TBC1D25: variants seen among roughly 807,000 people sequenced by gnomAD.
TBC1D25 encodes the protein 5SN3 snoRNA.
A neutral mutation model predicts 38.8 loss-of-function variants in TBC1D25; 13 were observed. That is an observed-to-expected ratio of 0.34 (90% CI 0.22 to 0.53). The LOEUF is 0.53. TBC1D25 is among the 20% of genes least tolerant of loss of function. The pLI, the probability that TBC1D25 is intolerant of heterozygous loss-of-function variation, is 0.94. For synonymous variants in TBC1D25, 225 were observed against 255.6 expected, an observed-to-expected ratio of 0.88 and a Z score of 1.14; for missense variants, 372 against 600.0, an observed-to-expected ratio of 0.62 and a Z score of 3.97.
intron 3 of TBC1D25, among the ~76,000 whole-genome samples, chrX:48,551,330 T>C: frequency 1.3e-5 from 1 of 76,518 alleles, no homozygotes; most frequent in Non-Finnish European, 2.2e-5. Flanking sequence ...GCCTGTTTTT[T>C]GTTTGTTTGT....
Position 48,560,091 on chromosome X carries a change from C to T in TBC1D25, c.1183C>T (p.Leu395=). ...RHADPDFYQY[L]QEAGADDLFF... is the part of the protein sequence containing the mutation. ...CGCTGACCCTGACTTTTATCAATACCTGCAAGAGGCAGGCGCTGATGACCT... is the reference window on the plus strand; with the variant it reads ...CGCTGACCCTGACTTTTATCAATACTTGCAAGAGGCAGGCGCTGATGACCT... Residue 395 remains leucine, a synonymous_variant, in exon 6 of 6, where the codon CTG becomes TTG. Coordinates refer to ENST00000376771, the MANE Select transcript of TBC1D25 (RefSeq NM_002536.4). 1 of 1,209,514 alleles carries T rather than the reference C, an allele frequency of 8.3e-7. No individual in the cohort carries two copies. Among genetic ancestry groups the T allele is most frequent in the South Asian group, 1.8e-5 (1 of 56,477 alleles).
chrX:48,560,386 A>G lies in TBC1D25; in HGVS notation c.1478A>G (p.Gln493Arg), dbSNP rs1556985859. The G allele has an allele frequency of 8.3e-7, 1 of 1,211,526 alleles. No homozygotes were observed. ...GTTGACCACCTGGCCACAGCCAGTC[A>G]GGGGCCTGGTGGTGGGGGGCGTCTC... Reference protein sequence around the residue: ...DAVDHLATASQGPGGGGRLLR... With the variant: ...DAVDHLATASRGPGGGGRLLR... Residue 493 changes from glutamine (Q) to arginine (R), a missense_variant, in exon 6 of 6, where the codon CAG becomes CGG. Physicochemically the swap from Gln to Arg is conservative, Grantham distance 43 (BLOSUM62 1). Coordinates refer to ENST00000376771, the MANE Select transcript of TBC1D25 (RefSeq NM_002536.4).
chrX:48,541,448 TG>T lies in TBC1D25; in HGVS notation c.233+9del, dbSNP rs1370550161. On this transcript the variant is annotated splice_region_variant and intron_variant, in intron 2 of 5. Transcript: ENST00000376771. The stretch of plus-strand genomic sequence containing the variant: ...CGAGCCTTTGATTTGAGTGGGTGAG[TG>T]GGAAGATGCTGGGGACTGGCCAGTG... 1.7e-6 allele frequency: 2 copies of T among 1,206,082 alleles called. No homozygotes were observed. Among genetic ancestry groups the T allele is most frequent in the Non-Finnish European group, 2.2e-6 (2 of 892,156 alleles).
intron 1 of TBC1D25, 109 bp from the exon 2 acceptor site, chrX:48,541,224 T>G: frequency 3.0e-6 from 2 of 656,345 alleles, no homozygotes; most frequent in South Asian, 2.2e-5. Flanking sequence ...ACACCTGCCT[T>G]GATCTGGCCC....
intron 3 of TBC1D25, among the ~76,000 whole-genome samples, chrX:48,547,158 G>T (rs949713698): frequency 8.9e-6 from 1 of 112,140 alleles, no homozygotes; most frequent in African/African-American, 3.2e-5. Flanking sequence ...GCTCAGAGAG[G>T]TGACAGGACT....
At position 48,560,862 on chromosome X, in the gene TBC1D25, C is replaced by T. The variant is rs2062019792; in HGVS notation, c.1954C>T (p.Arg652Ter). ...GGCCATGCACTTTGACCGCCTTGTG[C>T]GAAAACACCACCTGGGGCGCGTCCT... is the stretch of plus-strand genomic sequence containing the variant. ...ELAMHFDRLVRKHHLGRVLRR... is the reference protein window; with the variant it reads ...ELAMHFDRLV Residue 652 changes from arginine to a stop codon, truncating the protein, a stop_gained, in exon 6 of 6, where the codon CGA becomes TGA. Transcript: ENST00000376771. LOFTEE classifies it high-confidence loss of function. 1 of 1,212,423 alleles carries T rather than the reference C, an allele frequency of 8.2e-7. No individual in the cohort carries two copies.
rs782514374 is a variant in TBC1D25, at chrX:48,558,111, CA to C, written c.389-768del. 2.8e-3 allele frequency among the ~76,000 whole-genome samples: 139 copies of C among 49,503 alleles called. 1 individual carries two copies. Among genetic ancestry groups the C allele is most frequent in the South Asian group, 9.4e-3 (9 of 954 alleles). The allele number at this position is 49,503 out of a possible 115,157, so 43.0% of individuals were successfully genotyped here. On this transcript the variant is annotated intron_variant, in intron 3 of 5. Transcript: ENST00000376771. ...CGGTTACAGAGTGAGACTCCGTCTC[CA>C]AAAAAAAAAAAAAAAAAGCATATAC...
intron 3 of TBC1D25, among the ~76,000 whole-genome samples, 169 bp downstream of exon 3, chrX:48,545,192 T>C (rs1164540257): frequency 8.9e-6 from 1 of 112,074 alleles, no homozygotes; most frequent in South Asian, 3.7e-4. Context: ...AAAGAGATAA[T>C]TGTATCTTAG....
At chrX:48,543,064 TG>T (rs2061853325) in intron 2 of TBC1D25, among the ~76,000 whole-genome samples, 1 of 110,782 alleles carries the variant, frequency 9.0e-6, no homozygotes, top group Non-Finnish European at 1.9e-5. Flanking sequence ...TGTATGTATA[TG>T]AAAAAAAACA....
In TBC1D25 at chrX:48,561,227, TTG is replaced by T. The variant is rs1475154021; in HGVS notation, c.*258_*259del. 1.5e-5 allele frequency: 5 copies of T among 328,761 alleles called. No homozygotes were observed. The Admixed American group carries it at 2.9e-4, about 19-fold the overall frequency. 27.1% of individuals were successfully genotyped at this position (328,761 alleles called of 1,213,427 possible). ...TTGCACACATGAAGGTCACTGTGGTTTGTGTGTTTCTCTGCCTCCTCCCTGGG... is the reference window on the plus strand; with the variant it reads ...TTGCACACATGAAGGTCACTGTGGTTTGTGTTTCTCTGCCTCCTCCCTGGG... On this transcript the variant is annotated 3_prime_UTR_variant, in exon 6 of 6. Coordinates refer to ENST00000376771, the MANE Select transcript of TBC1D25 (RefSeq NM_002536.4).
rs60207287 is a variant in TBC1D25 at position 48,554,559 on chromosome X, C to CA, written c.389-4319dup. 6.0e-3 allele frequency among the ~76,000 whole-genome samples: 311 copies of CA among 51,771 alleles called. 2 individuals are homozygous for CA. The highest frequency in any genetic ancestry group is 0.018 in the African/African-American group (228 of 12,427). 45.0% of individuals were successfully genotyped at this position (51,771 alleles called of 115,157 possible). ...TGGGTGACAGAGCAAGACTCCATCT[C>CA]AAAAAAAAAAAAAAAAAAAGGATAG... On this transcript the variant is annotated intron_variant, in intron 3 of 5. Coordinates refer to ENST00000376771, the MANE Select transcript of TBC1D25 (RefSeq NM_002536.4).
chrX:48,551,209 G>A (rs2061929185), intron 3 of TBC1D25, among the ~76,000 whole-genome samples: 2 of 112,082 alleles, frequency 1.8e-5, no homozygotes, highest in Non-Finnish European at 1.9e-5. Flanking sequence ...TTTCTTCAGG[G>A]AAATGTGTGC....
rs782068269 is a variant in TBC1D25 at position 48,559,686 on chromosome X, C to T, written c.778C>T (p.Arg260Cys). The T allele has an allele frequency of 3.3e-5, 40 of 1,210,176 alleles. No homozygotes were observed. In the Admixed American group the frequency reaches 4.4e-4, roughly 13 times the overall value. ...CCGAGAGCGGATGGACTACATGAAA[C>T]GCAAGAGCCGCGAGTATGAGCAGCT... ...TGRERMDYMKRKSREYEQLKS... is the reference protein window; with the variant it reads ...TGRERMDYMKCKSREYEQLKS... The change falls in exon 6 of 6, where the codon CGC becomes TGC. Residue 260 changes from arginine to cysteine, a missense_variant. By Grantham distance (180) the Arg-to-Cys change is radical (BLOSUM62 -3). Transcript: ENST00000376771.
Position 48,560,666 on chromosome X carries a change from G to A in TBC1D25, c.1758G>A (p.Glu586=). The change falls in exon 6 of 6, where the codon GAG becomes GAA. Residue 586 remains glutamate (E), a synonymous_variant. Transcript: ENST00000376771. ...CTGTAGGATCCCCCTTGATGCAAGA[G>A]GTAGGCTCCCCGAAAGACCCTGGAA... ...DMAVGSPLMQ[E]VGSPKDPGKS... is the part of the protein sequence containing the mutation. 5.0e-6 allele frequency: 6 copies of A among 1,211,716 alleles called. No homozygotes were observed. In the South Asian group the frequency reaches 8.8e-5, roughly 18 times the overall value.
intron 3 of TBC1D25, among the ~76,000 whole-genome samples, chrX:48,556,609 T>TGGTGGCAGGCA (rs781788015): frequency 2.7e-3 from 299 of 109,744 alleles, no homozygotes; most frequent in Non-Finnish European, 4.8e-3. Context: ...TAGCCAGGCG[T>TGGTGGCAGGCA]GGTGGCAGGC....
chrX:48,552,212 A>T (rs1057138533), intron 3 of TBC1D25, among the ~76,000 whole-genome samples: 23 of 110,892 alleles, frequency 2.1e-4, no homozygotes, highest in African/African-American at 7.6e-4. Context: ...TTTGACACGT[A>T]GTCTCGCTCT....
chrX:48,559,308 C>T lies in TBC1D25; in HGVS notation c.667C>T (p.Arg223Trp), dbSNP rs1556985297. 1 of 1,210,662 alleles carries T rather than the reference C, an allele frequency of 8.3e-7. No homozygotes were observed. The highest frequency in any genetic ancestry group is 1.1e-6 in the Non-Finnish European group (1 of 895,037). The change falls in exon 5 of 6, where the codon CGG becomes TGG. Residue 223 changes from arginine (R) to tryptophan (W), a missense_variant. By Grantham distance (101) the Arg-to-Trp change is moderately radical (BLOSUM62 -3). This residue lies in a region of TBC1D25 where 312 missense variants were observed against 549.3 expected (regional missense o/e 0.57). Coordinates refer to ENST00000376771, the MANE Select transcript of TBC1D25 (RefSeq NM_002536.4). ...CTCCCGACCCGAGGAGTTGCGCCTG[C>T]GGATCTATCATGGCGGTGTGGAGCC... ...QLSRPEELRL[R>W]IYHGGVEPSL...
chrX:48,557,063 CA>C (rs34441472), intron 3 of TBC1D25, among the ~76,000 whole-genome samples: 275 of 93,212 alleles, frequency 3.0e-3, no homozygotes, highest in African/African-American at 5.2e-3. Flanking sequence ...CCATCTCTAC[CA>C]AAAAAAAAAA....
intron 3 of TBC1D25, among the ~76,000 whole-genome samples, chrX:48,552,630 C>T (rs782532125): frequency 9.9e-4 from 109 of 110,360 alleles, no homozygotes; most frequent in African/African-American, 3.6e-3. Context: ...GGATTATAGT[C>T]GTGAGTCACT....
Sources: gnomAD v4.1 joint callset for allele counts (sites outside exome capture counted in the v4.1 genomes callset) on GRCh38, gnomAD v4.1.1 for gene constraint, gnomAD v4.1.1 regional missense constraint, MANE v1.5 for transcripts, NCBI Gene and HGNC (gene_info 2026-07-23, HGNC 2026-07-21) for gene names.